The following APAF1 variants were observed in gnomAD, a reference collection of about 807,000 sequenced individuals.
APAF1 encodes the protein apoptotic peptidase activating factor 1, also known as apoptotic protease-activating factor 1.
In APAF1, 91 loss-of-function variants were observed where a neutral mutation model predicts 152.4. The ratio of observed to expected loss-of-function variants is 0.60; its 90% CI spans 0.50 to 0.71. APAF1 has a LOEUF of 0.71. Among genes scored for constraint, APAF1 ranks in the 30% least tolerant of loss-of-function variants. The pLI, the probability that APAF1 is intolerant of heterozygous loss-of-function variation, is 0.00. For missense variants in APAF1, 1,283 were observed against 1,472.0 expected (o/e 0.87, Z 2.10); for synonymous variants, 484 against 494.1 (o/e 0.98, Z 0.27).
At chr12:98,656,867 G>T (rs547699528) in intron 4 of APAF1, among the ~76,000 whole-genome samples, 5 of 152,278 alleles carry the variant, frequency 3.3e-5, no homozygotes, top group African/African-American at 1.2e-4. Flanking sequence ...TTCTCCAGCT[G>T]AATGCTTTGA....
intron 19 of APAF1, among the ~76,000 whole-genome samples, chr12:98,707,657 C>T (rs893836964): frequency 6.1e-5 from 9 of 147,784 alleles, no homozygotes; most frequent in African/African-American, 2.2e-4. Context: ...AAAATTCATT[C>T]AGTGCTTACT....
At chr12:98,722,378 A>G (rs1003499086) in intron 22 of APAF1, among the ~76,000 whole-genome samples, 1 of 152,142 alleles carries the variant, frequency 6.6e-6, no homozygotes, top group African/African-American at 2.4e-5. Context: ...TCTTTATGCT[A>G]GATCCTTGTT....
At chr12:98,719,178 C>T (rs1455390828) in intron 22 of APAF1, among the ~76,000 whole-genome samples, 1 of 152,148 alleles carries the variant, frequency 6.6e-6, no homozygotes, top group Non-Finnish European at 1.5e-5. Flanking sequence ...TCTAGTTGTT[C>T]CATTGCACTT....
chr12:98,728,837 T>C (rs1178448043), intron 26 of APAF1, among the ~76,000 whole-genome samples: 2 of 152,222 alleles, frequency 1.3e-5, no homozygotes, highest in South Asian at 2.1e-4. Context: ...TTTTTAAAAC[T>C]TACTAGTGAT....
At position 98,735,142 on chromosome 12, in the gene APAF1, G is replaced by GGA; in HGVS notation, c.*2578_*2579dup. 1 of 398,764 alleles carries GGA rather than the reference G, an allele frequency of 2.5e-6. No individual in the cohort carries two copies. The highest frequency in any genetic ancestry group is 4.4e-6 in the Non-Finnish European group (1 of 226,172). The allele number at this position is 398,764 out of a possible 1,614,324, so 24.7% of individuals were successfully genotyped here. ...AGAAAGAAGAGATACCTAGTATGAT[G>GGA]GAGCTGCAAATTTCATGGCAGTTCA... On this transcript the variant is annotated 3_prime_UTR_variant, in exon 27 of 27. Transcript: ENST00000551964.
In APAF1 at chr12:98,732,739, G is replaced by C; in HGVS notation, c.*173G>C. On this transcript the variant is annotated 3_prime_UTR_variant, in exon 27 of 27. Transcript: ENST00000551964. ...ATATTAATGTAGCTTTTTCCCAAAT[G>C]AACATACCTTTAATCTTGTTTTTCA... The C allele has an allele frequency of 1.7e-6, 1 of 587,980 alleles. No homozygotes were observed. The highest frequency in any genetic ancestry group is 3.0e-6 in the Non-Finnish European group (1 of 334,826). The allele number at this position is 587,980 out of a possible 1,614,324, so 36.4% of individuals were successfully genotyped here. A position where few individuals can be genotyped will look rare whatever the true frequency, so the allele number is the denominator to read the frequency against.
chr12:98,681,921 A>G (rs1160359185), intron 14 of APAF1, among the ~76,000 whole-genome samples: 4 of 152,244 alleles, frequency 2.6e-5, no homozygotes, highest in African/African-American at 7.2e-5. Context: ...ATGCCAAAGG[A>G]CATTAGTACC....
intron 17 of APAF1, among the ~76,000 whole-genome samples, chr12:98,700,046 A>G (rs1021378949): frequency 6.6e-6 from 1 of 152,230 alleles, no homozygotes; most frequent in Non-Finnish European, 1.5e-5. Context: ...ACTGAACAAG[A>G]TAGTGAAATT....
chr12:98,705,190 T>G (rs2097720115), intron 18 of APAF1, among the ~76,000 whole-genome samples: 1 of 152,166 alleles, frequency 6.6e-6, no homozygotes, highest in South Asian at 2.1e-4. Context: ...TTGTCACTTC[T>G]AAAGTCCTTA....
chr12:98,668,849 GAT>G (rs1188598438), intron 10 of APAF1, among the ~76,000 whole-genome samples: 1 of 152,156 alleles, frequency 6.6e-6, no homozygotes, highest in Non-Finnish European at 1.5e-5. Flanking sequence ...TAGGCAGTTA[GAT>G]ATATGAGTCT....
chr12:98,654,003 G>A (rs1009318737), intron 4 of APAF1, among the ~76,000 whole-genome samples: 2 of 151,906 alleles, frequency 1.3e-5, no homozygotes, highest in African/African-American at 4.8e-5. Flanking sequence ...AAAGTAGTGT[G>A]GAGTTTTCCC....
At chr12:98,667,459 A>C (rs1424901983) in intron 9 of APAF1, 54 bp from the exon 10 acceptor site, 2 of 1,599,622 alleles carry the variant, frequency 1.3e-6, no homozygotes, top group Non-Finnish European at 1.7e-6. Context: ...AGTTACTGTG[A>C]TGCTTAGGTT....
rs2097730822 is a variant in APAF1, at chr12:98,713,798, T to TA, written c.2958+1364dup. Among the ~76,000 whole-genome samples the TA allele has an allele frequency of 5.3e-5, 8 of 152,316 alleles. No homozygotes were observed. The South Asian group carries it at 1.7e-3, about 32-fold the overall frequency. On this transcript the variant is annotated intron_variant, in intron 21 of 26. Coordinates refer to ENST00000551964, the MANE Select transcript of APAF1 (RefSeq NM_181861.2). ...CTTTGGATTCATTTTCATAAGGAAT[T>TA]ACACAAATATTCTCTAGTCCATATG...
intron 8 of APAF1, among the ~76,000 whole-genome samples, 179 bp from the exon 9 acceptor site, chr12:98,666,011 A>G (rs1326241528): frequency 6.6e-6 from 1 of 152,180 alleles, no homozygotes; most frequent in Non-Finnish European, 1.5e-5. Flanking sequence ...CAGCTGAAGA[A>G]GCATCTGACT....
At chr12:98,728,129 A>G (rs2153345430) in intron 26 of APAF1, among the ~76,000 whole-genome samples, 1 of 152,308 alleles carries the variant, frequency 6.6e-6, no homozygotes, top group African/African-American at 2.4e-5. Context: ...CCCTCAATCC[A>G]GAGCTGTCAT....
intron 8 of APAF1, 44 bp downstream of exon 8, chr12:98,665,835 T>A: frequency 6.9e-7 from 1 of 1,439,082 alleles, no homozygotes; most frequent in Non-Finnish European, 9.8e-7. Flanking sequence ...TTATTGCATG[T>A]AAGCTTTGAT....
intron 20 of APAF1, among the ~76,000 whole-genome samples, 188 bp downstream of exon 20, chr12:98,708,892 A>G (rs992390592): frequency 7.2e-5 from 11 of 152,222 alleles, no homozygotes; most frequent in African/African-American, 2.4e-4. Context: ...TTAGAATTAA[A>G]TTAGATAATT....
At chr12:98,660,071 G>A (rs545029416) in intron 5 of APAF1, among the ~76,000 whole-genome samples, 19 of 151,946 alleles carry the variant, frequency 1.3e-4, no homozygotes, top group South Asian at 1.2e-3. Context: ...AGGGGCCAGG[G>A]ACAGTGGCTC....
chr12:98,713,074 C>T (rs890857051), intron 21 of APAF1, among the ~76,000 whole-genome samples: 6 of 152,206 alleles, frequency 3.9e-5, no homozygotes, highest in Non-Finnish European at 8.8e-5. Context: ...CCATCTTGGC[C>T]TCCCAGAGTG....
Sources: gnomAD v4.1 joint callset for allele counts (sites outside exome capture counted in the v4.1 genomes callset) on GRCh38, gnomAD v4.1.1 for gene constraint, MANE v1.5 for transcripts, NCBI Gene and HGNC (gene_info 2026-07-23, HGNC 2026-07-21) for gene names.